Variants in DLC1 observed in about 807,000 individuals in gnomAD.
DLC1 encodes the protein DLC1 Rho GTPase activating protein.
Under a neutral mutation model 140.3 loss-of-function variants are expected in DLC1, and 54 were observed. The observed-to-expected ratio is 0.38, with a 90% CI of 0.31 to 0.48. The LOEUF (loss-of-function observed/expected upper bound fraction) is 0.48, where lower values mean the gene tolerates loss of function less well. Among genes scored for constraint, DLC1 ranks in the 20% least tolerant of loss-of-function variants. The probability of loss-of-function intolerance (pLI) is 0.96; values close to 1 mark genes in which losing one functional copy is unlikely to be tolerated. For synonymous variants in DLC1, 986 were observed against 728.1 expected (o/e 1.35, Z -5.70); for missense variants, 2,536 against 1,907.0 (o/e 1.33, Z -6.14).
At chr8:13,414,196 T>G (rs1173161882) in intron 2 of DLC1, among the ~76,000 whole-genome samples, 1 of 152,226 alleles carries the variant, frequency 6.6e-6, no homozygotes, top group Non-Finnish European at 1.5e-5. Context: ...AAAAATTTTT[T>G]GGTACATTCA....
At chr8:13,322,444 A>G (rs555480456) in intron 4 of DLC1, among the ~76,000 whole-genome samples, 3 of 152,076 alleles carry the variant, frequency 2.0e-5, no homozygotes, top group African/African-American at 7.2e-5. Context: ...ACAAATTATT[A>G]CATTGAATTT....
At chr8:13,213,210 T>C (rs1295665867) in intron 5 of DLC1, among the ~76,000 whole-genome samples, 1 of 152,206 alleles carries the variant, frequency 6.6e-6, no homozygotes, top group Non-Finnish European at 1.5e-5. Flanking sequence ...CATTTTTGGC[T>C]GTATGTAGCT....
intron 2 of DLC1, among the ~76,000 whole-genome samples, chr8:13,441,172 A>G (rs895132933): frequency 2.0e-5 from 3 of 152,218 alleles, no homozygotes; most frequent in Admixed American, 2.0e-4. Flanking sequence ...TTCATGCTAA[A>G]AACTCTCAAT....
chr8:13,449,679 G>T (rs76092379), intron 2 of DLC1, among the ~76,000 whole-genome samples: 2 of 151,854 alleles, frequency 1.3e-5, no homozygotes, highest in South Asian at 2.1e-4. Context: ...GTGGGGTGGG[G>T]GGATGGGGGA....
chr8:13,094,392 G>A (rs528486377), intron 12 of DLC1, among the ~76,000 whole-genome samples: 7 of 152,288 alleles, frequency 4.6e-5, no homozygotes, highest in Admixed American at 2.0e-4. Context: ...AAGGCCAGGC[G>A]TGGTGGCTCA....
intron 4 of DLC1, among the ~76,000 whole-genome samples, chr8:13,378,024 G>T (rs1433520641): frequency 1.3e-5 from 2 of 150,468 alleles, no homozygotes; most frequent in African/African-American, 2.4e-5. Context: ...AAGTGTTAAT[G>T]ATGTTACTAT....
rs148109949 is a variant in DLC1, at chr8:13,095,170, C to T, written c.3243G>A (p.Thr1081=). 3.0e-5 allele frequency: 48 copies of T among 1,614,228 alleles called. No individual in the cohort carries two copies. The highest frequency in any genetic ancestry group is 1.8e-4 in the South Asian group (16 of 91,086). ...KDRSVFGVPL[T]VNVQRTGQPL... ...GTTGTCCTGTGCGCTGCACGTTGAC[C>T]GTCAGTGGGACCCCAAACACACTCC... Residue 1081 remains threonine (T), a synonymous_variant, in exon 11 of 18, where the codon ACG becomes ACA. Coordinates refer to ENST00000276297, the MANE Select transcript of DLC1 (RefSeq NM_182643.3).
At position 13,393,644 on chromosome 8, in the gene DLC1, T is replaced by C. The variant is rs2117215890; in HGVS notation, c.1223A>G (p.Gln408Arg). Residue 408 changes from glutamine (Q) to arginine (R), a missense_variant, in exon 4 of 18, where the codon CAG becomes CGG. Physicochemically the swap from Gln to Arg is conservative, Grantham distance 43 (BLOSUM62 1). Coordinates refer to ENST00000276297, the MANE Select transcript of DLC1 (RefSeq NM_182643.3). ...GTCAGAAGACAAATTTACTCGTGTC[T>C]GATTTACTGAAATGGTATCTGCTCC... ...ESGADTISVN[Q>R]TRVNLSSDTE... 3 of 1,614,142 alleles carry C rather than the reference T, an allele frequency of 1.9e-6. No individual in the cohort carries two copies. Among genetic ancestry groups the C allele is most frequent in the Non-Finnish European group, 2.5e-6 (3 of 1,180,030 alleles).
chr8:13,458,858 T>C (rs1240887998), intron 2 of DLC1, among the ~76,000 whole-genome samples: 3 of 151,978 alleles, frequency 2.0e-5, no homozygotes, highest in African/African-American at 7.2e-5. Context: ...CTTATGACTA[T>C]TGTTAAAAAT....
At chr8:13,211,854 T>G (rs1033469286) in intron 5 of DLC1, among the ~76,000 whole-genome samples, 16 of 152,214 alleles carry the variant, frequency 1.1e-4, no homozygotes, top group Non-Finnish European at 1.8e-4. Flanking sequence ...GAGGCTTTTT[T>G]GGAAACATAC....
intron 2 of DLC1, among the ~76,000 whole-genome samples, chr8:13,468,362 C>CACTCCCCTCCCCTCT (rs1800046688): frequency 8.3e-6 from 1 of 120,660 alleles, no homozygotes; most frequent in Admixed American, 9.4e-5. Flanking sequence ...CCCTCCCCTC[C>CACTCCCCTCCCCTCT]CCTCCCCTCT....
At chr8:13,590,132 A>G (rs888932241) in intron 1 of DLC1, among the ~76,000 whole-genome samples, 4 of 148,196 alleles carry the variant, frequency 2.7e-5, no homozygotes, top group Non-Finnish European at 3.0e-5. Flanking sequence ...TTTCCTATGC[A>G]TATATTTTTC....
In DLC1 at chr8:13,401,612, C is replaced by T. The variant is rs772590730; in HGVS notation, c.1031G>A (p.Arg344Lys). The T allele has an allele frequency of 1.9e-6, 3 of 1,612,808 alleles. No individual in the cohort carries two copies. Among genetic ancestry groups the T allele is most frequent in the East Asian group, 2.2e-5 (1 of 44,864 alleles). ...QVRLRKRKEI[R>K]EDRDRARLDS... ...CAGCCGCGCCCTATCTCGATCTTCT[C>T]TTATTTCCTGAGGAACAGAACATTT... The change falls in exon 3 of 18, where the codon AGA (arginine) becomes AAA (lysine). Residue 344 changes from arginine to lysine, a missense_variant. Arg to Lys is a conservative substitution (Grantham distance 26, BLOSUM62 2). Transcript: ENST00000276297.
At chr8:13,234,378 A>T (rs1315591343) in intron 5 of DLC1, among the ~76,000 whole-genome samples, 1 of 152,170 alleles carries the variant, frequency 6.6e-6, no homozygotes, top group Non-Finnish European at 1.5e-5. Context: ...ATGCAGGTTC[A>T]GTAAAAAATG....
At chr8:13,221,471 A>C (rs1012423073) in intron 5 of DLC1, among the ~76,000 whole-genome samples, 3 of 151,460 alleles carry the variant, frequency 2.0e-5, no homozygotes, top group Non-Finnish European at 4.4e-5. Context: ...CCTGGGTTCA[A>C]GCTATTCTCC....
At chr8:13,285,407 A>G (rs942433255) in intron 5 of DLC1, among the ~76,000 whole-genome samples, 1 of 152,224 alleles carries the variant, frequency 6.6e-6, no homozygotes, top group Non-Finnish European at 1.5e-5. Flanking sequence ...TAAATGGAAC[A>G]TAGACCACAG....
chr8:13,321,922 C>T (rs1250439756), intron 4 of DLC1, among the ~76,000 whole-genome samples: 2 of 152,056 alleles, frequency 1.3e-5, no homozygotes, highest in East Asian at 3.9e-4. Flanking sequence ...TTTTTAATTC[C>T]TGCAAATATT....
At chr8:13,102,727 C>T (rs1450985138) in intron 8 of DLC1, 63 bp downstream of exon 8, 3 of 1,404,806 alleles carry the variant, frequency 2.1e-6, no homozygotes, top group Admixed American at 3.4e-5. Context: ...TTACAAAACA[C>T]ATCATTCACT....
rs1003804561 is a variant in DLC1, at chr8:13,480,039, C to G, written c.1023+19010G>C. On this transcript the variant is annotated intron_variant, in intron 2 of 17. Transcript: ENST00000276297. ...TATGTTCTTGCCACTTGCAGTCCGA[C>G]CTGAGTGACAGAACAAAACCCTGTC... is the stretch of plus-strand genomic sequence containing the variant. Among the ~76,000 whole-genome samples, 76 of 152,044 alleles carry G rather than the reference C, an allele frequency of 5.0e-4. 1 individual carries two copies. The highest frequency in any genetic ancestry group is 2.1e-4 in the Non-Finnish European group (14 of 68,012).
Sources: allele counts gnomAD v4.1 joint callset (sites outside exome capture counted in the v4.1 genomes callset), GRCh38; gene constraint gnomAD v4.1.1; transcripts MANE v1.5; gene names NCBI Gene and HGNC (gene_info 2026-07-23, HGNC 2026-07-21).